The following PATJ variants were observed in gnomAD, a reference collection of about 807,000 sequenced individuals.
PATJ encodes the protein PATJ crumbs cell polarity complex component.
In PATJ, 190 loss-of-function variants were observed where a neutral mutation model predicts 224.9. That is an observed-to-expected ratio of 0.84 (90% confidence interval 0.75 to 0.95). The LOEUF is 0.95. Ranked by LOEUF, PATJ falls within the 40% of genes least tolerant of loss-of-function variation. PATJ has a pLI of 0.00. For missense variants in PATJ, 2,121 were observed against 2,270.3 expected, an observed-to-expected ratio of 0.93 and a Z score of 1.34; for synonymous variants, 769 against 820.3, an observed-to-expected ratio of 0.94 and a Z score of 1.07.
chr1:62,071,939 G>A (rs1156414042), intron 31 of PATJ, among the ~76,000 whole-genome samples: 7 of 152,154 alleles, frequency 4.6e-5, no homozygotes, highest in Admixed American at 4.6e-4. Flanking sequence ...ACGTTACCAA[G>A]AGACAGAGTA....
At chr1:61,870,917 G>T (rs1666235276) in intron 20 of PATJ, among the ~76,000 whole-genome samples, 1 of 151,992 alleles carries the variant, frequency 6.6e-6, no homozygotes, top group African/African-American at 2.4e-5. Context: ...TGCTTCTTAG[G>T]AGTATAAAGT....
Position 61,959,382 on chromosome 1 carries a change from A to G in PATJ, c.3671-30786A>G, listed in dbSNP as rs372137214. ...GGAAATGACAACTTCTATTTCTATAAAGAGCTCTCCCACTGCCTATATATA... is the reference window on the plus strand; with the variant it reads ...GGAAATGACAACTTCTATTTCTATAGAGAGCTCTCCCACTGCCTATATATA... On this transcript the variant is annotated intron_variant, in intron 27 of 43. Coordinates refer to ENST00000642238, the MANE Select transcript of PATJ (RefSeq NM_001350145.3). 1.0e-3 allele frequency among the ~76,000 whole-genome samples: 152 copies of G among 148,704 alleles called. 3 individuals are homozygous for G. In the South Asian group the frequency reaches 0.03, roughly 29 times the overall value.
At chr1:61,881,618 T>TC (rs1367294421) in intron 21 of PATJ, among the ~76,000 whole-genome samples, 3 of 151,836 alleles carry the variant, frequency 2.0e-5, no homozygotes, top group Non-Finnish European at 4.4e-5. Flanking sequence ...TGCCATGTTG[T>TC]CCAGGCTGGT....
intron 1 of PATJ, among the ~76,000 whole-genome samples, chr1:61,746,432 C>A (rs1645030234): frequency 6.6e-6 from 1 of 152,138 alleles, no homozygotes; most frequent in Admixed American, 6.6e-5. Context: ...AGATTAGAGT[C>A]CTGCCTTGGG....
intron 10 of PATJ, among the ~76,000 whole-genome samples, chr1:61,796,322 C>G (rs1651091410): frequency 1.3e-5 from 2 of 152,172 alleles, no homozygotes; most frequent in African/African-American, 4.8e-5. Flanking sequence ...ACTGTTCTTG[C>G]TCACACTTTT....
At chr1:61,926,163 C>T (rs536385682) in intron 26 of PATJ, among the ~76,000 whole-genome samples, 1 of 152,260 alleles carries the variant, frequency 6.6e-6, no homozygotes, top group East Asian at 1.9e-4. Flanking sequence ...GTTTTGTGCT[C>T]TACCCTGGTG....
intron 31 of PATJ, among the ~76,000 whole-genome samples, chr1:62,068,695 A>C (rs916588843): frequency 6.6e-6 from 1 of 152,224 alleles, no homozygotes; most frequent in African/African-American, 2.4e-5. Flanking sequence ...CCCATCTGTT[A>C]TATGGGATAT....
chr1:62,108,653 C>CT (rs1278625915), intron 34 of PATJ, 133 bp downstream of exon 34: 60 of 504,942 alleles, frequency 1.2e-4, no homozygotes, highest in African/African-American at 1.0e-3. Flanking sequence ...TTATCATATT[C>CT]TTTTTTTCTT....
At chr1:61,828,417 GAA>G (rs1658700547) in intron 16 of PATJ, among the ~76,000 whole-genome samples, 1 of 95,376 alleles carries the variant, frequency 1.0e-5, no homozygotes, top group Non-Finnish European at 2.2e-5. Flanking sequence ...TTTTTTTTTT[GAA>G]ACAGGATCTC....
chr1:61,766,220 A>T, intron 3 of PATJ, 59 bp from the exon 4 acceptor site: 1 of 1,191,464 alleles, frequency 8.4e-7, no homozygotes, highest in Non-Finnish European at 1.2e-6. Context: ...AATATATTTA[A>T]TAAATAGAAA....
At chr1:62,102,064 A>G (rs897777330) in intron 33 of PATJ, among the ~76,000 whole-genome samples, 2 of 152,160 alleles carry the variant, frequency 1.3e-5, no homozygotes, top group African/African-American at 4.8e-5. Flanking sequence ...CTGAAGTGCT[A>G]ACTACTCAGG....
At chr1:61,899,026 A>G (rs1205003313) in intron 22 of PATJ, among the ~76,000 whole-genome samples, 1 of 152,114 alleles carries the variant, frequency 6.6e-6, no homozygotes, top group East Asian at 1.9e-4. Flanking sequence ...TTGCTGGATG[A>G]AAATATGTTG....
chr1:61,973,840 T>C (rs1048840415), intron 27 of PATJ, among the ~76,000 whole-genome samples: 4 of 152,046 alleles, frequency 2.6e-5, no homozygotes, highest in Non-Finnish European at 5.9e-5. Flanking sequence ...GTTTACTGTT[T>C]TAAGACTGAG....
chr1:62,034,494 T>C (rs954176691), intron 29 of PATJ, among the ~76,000 whole-genome samples: 3 of 151,376 alleles, frequency 2.0e-5, no homozygotes, highest in African/African-American at 7.3e-5. Context: ...ATATCATTAC[T>C]TATGAGAATC....
At position 62,161,013 on chromosome 1, in the gene PATJ, A is replaced by T; in HGVS notation, c.5608A>T (p.Lys1870Ter). Reference sequence around the variant, plus strand: ...TCATGAGCAAGCAGTCGCCATTCTAAAACACCAGAGAGGGACTGTAACCTT... The same window carrying T: ...TCATGAGCAAGCAGTCGCCATTCTATAACACCAGAGAGGGACTGTAACCTT... ...VTHEQAVAILKHQRGTVTLTV... is the reference protein window; with the variant it reads ...VTHEQAVAIL The change falls in exon 44 of 44, where the codon AAA becomes TAA. Residue 1870 changes from lysine (K) to a stop codon, truncating the protein, a stop_gained. Coordinates refer to ENST00000642238, the MANE Select transcript of PATJ (RefSeq NM_001350145.3). LOFTEE classifies it high-confidence loss of function. The T allele has an allele frequency of 1.2e-6, 2 of 1,606,876 alleles. No homozygotes were observed. The highest frequency in any genetic ancestry group is 1.1e-5 in the South Asian group (1 of 89,744).
intron 40 of PATJ, 29 bp from the exon 41 acceptor site, chr1:62,128,812 G>C: frequency 7.0e-7 from 1 of 1,419,682 alleles, no homozygotes. Context: ...CTTAATGATA[G>C]TGATTTTCTG....
At chr1:62,122,315 A>G (rs186028249) in intron 38 of PATJ, among the ~76,000 whole-genome samples, 82 of 150,086 alleles carry the variant, frequency 5.5e-4, no homozygotes, top group Admixed American at 1.5e-3. Flanking sequence ...CAGTGAGCTA[A>G]GATCGGACCA....
At chr1:62,097,456 T>C (rs1337682954) in intron 33 of PATJ, among the ~76,000 whole-genome samples, 2 of 152,206 alleles carry the variant, frequency 1.3e-5, no homozygotes, top group African/African-American at 4.8e-5. Flanking sequence ...TAGCTCTTGC[T>C]CTCCTGAAAC....
intron 22 of PATJ, among the ~76,000 whole-genome samples, chr1:61,892,600 G>A (rs1349792594): frequency 6.6e-6 from 1 of 152,070 alleles, no homozygotes; most frequent in Non-Finnish European, 1.5e-5. Flanking sequence ...TTCCTTTGGG[G>A]AAAAATTTGG....
Sources: gnomAD v4.1 joint callset for allele counts (sites outside exome capture counted in the v4.1 genomes callset) on GRCh38, gnomAD v4.1.1 for gene constraint, MANE v1.5 for transcripts, NCBI Gene and HGNC (gene_info 2026-07-23, HGNC 2026-07-21) for gene names.